PSMG2: variants seen among roughly 807,000 people sequenced by gnomAD.
PSMG2 encodes proteasome assembly chaperone 2, also known as CD40 ligand-activated specific transcript 3.
A neutral mutation model predicts 31.5 loss-of-function variants in PSMG2; 21 were observed. The ratio of observed to expected loss-of-function variants is 0.67; its 90% CI spans 0.47 to 0.96. The LOEUF is 0.96. Ranked by LOEUF, PSMG2 falls within the 40% of genes least tolerant of loss-of-function variation. The pLI is 0.00. For missense variants in PSMG2, 318 were observed against 321.2 expected (o/e 0.99, Z 0.08); for synonymous variants, 120 against 110.4 (o/e 1.09, Z -0.54).
chr18:12,661,356 C>A (rs2144935060), intron 1 of PSMG2: 1 of 984,796 alleles, frequency 1.0e-6, no homozygotes, highest in East Asian at 1.1e-4. Context: ...TCCATCATCA[C>A]AACACTCTGA....
At chr18:12,663,283 A>G (rs1403612118) in intron 1 of PSMG2, among the ~76,000 whole-genome samples, 1 of 152,132 alleles carries the variant, frequency 6.6e-6, no homozygotes, top group Non-Finnish European at 1.5e-5. Flanking sequence ...AGGCCCAAAA[A>G]TATATATTCT....
At chr18:12,720,342 C>CCTA (rs1037809276) in intron 4 of PSMG2, among the ~76,000 whole-genome samples, 168 bp from the exon 5 acceptor site, 3 of 151,408 alleles carry the variant, frequency 2.0e-5, no homozygotes, top group African/African-American at 7.3e-5. Flanking sequence ...TATATTGTCT[C>CCTA]CTAAGTAAGT....
intron 6 of PSMG2, among the ~76,000 whole-genome samples, 193 bp from the exon 7 acceptor site, chr18:12,725,246 T>C (rs1337030371): frequency 6.6e-6 from 1 of 152,200 alleles, no homozygotes; most frequent in East Asian, 1.9e-4. Context: ...GGCATATCTT[T>C]ATAATTTGGA....
At chr18:12,686,674 G>A (rs12455268) in intron 1 of PSMG2, 101,932 of 373,276 alleles carry the variant, frequency 0.27, 15,023 homozygotes, top group Non-Finnish European at 0.32. Context: ...CAGCTATTAT[G>A]CAACAGAGCC....
intron 1 of PSMG2, among the ~76,000 whole-genome samples, chr18:12,673,963 ATAGACTATT>A (rs2039026648): frequency 6.6e-6 from 1 of 152,220 alleles, no homozygotes; most frequent in Non-Finnish European, 1.5e-5. Flanking sequence ...TATTCAAATT[ATAGACTATT>A]TCCTTATAGT....
At chr18:12,705,739 T>C (rs1365518995) in intron 1 of PSMG2, among the ~76,000 whole-genome samples, 1 of 152,170 alleles carries the variant, frequency 6.6e-6, no homozygotes, top group African/African-American at 2.4e-5. Context: ...CCTGGAATGT[T>C]CTTTCCCAGA....
At chr18:12,693,538 A>T (rs2145081096) in intron 1 of PSMG2, among the ~76,000 whole-genome samples, 1 of 152,312 alleles carries the variant, frequency 6.6e-6, no homozygotes, top group Middle Eastern at 3.4e-3. Context: ...CATGTATACC[A>T]CTTTGGGAGG....
At chr18:12,669,392 A>G (rs942357439) in intron 1 of PSMG2, among the ~76,000 whole-genome samples, 2 of 151,882 alleles carry the variant, frequency 1.3e-5, no homozygotes, top group African/African-American at 4.8e-5. Flanking sequence ...GATTACAGGC[A>G]TGAGCCACCG....
intron 1 of PSMG2, chr18:12,695,204 A>G (rs759644871): frequency 4.0e-6 from 3 of 753,208 alleles, no homozygotes; most frequent in Non-Finnish European, 6.3e-6. Flanking sequence ...AGGTAAATAT[A>G]CTACTATGAA....
At chr18:12,666,759 A>C (rs967268433) in intron 1 of PSMG2, among the ~76,000 whole-genome samples, 8 of 152,112 alleles carry the variant, frequency 5.3e-5, no homozygotes, top group East Asian at 1.9e-4. Flanking sequence ...AAAAAAAAAA[A>C]AACTTTTGAA....
At chr18:12,682,402 T>C (rs1490854665) in intron 1 of PSMG2, among the ~76,000 whole-genome samples, 4 of 152,134 alleles carry the variant, frequency 2.6e-5, no homozygotes, top group South Asian at 2.1e-4. Flanking sequence ...TTGCCCTGGC[T>C]GGTCTCGAAT....
chr18:12,707,047 C>T (rs1238172777), intron 2 of PSMG2, among the ~76,000 whole-genome samples: 2 of 152,186 alleles, frequency 1.3e-5, no homozygotes, highest in Non-Finnish European at 2.9e-5. Context: ...GCTCCGCCTC[C>T]CGGGTTCACG....
Position 12,720,495 on chromosome 18 carries a change from T to C in PSMG2, c.408-15T>C. On this transcript the variant is annotated splice_polypyrimidine_tract_variant and intron_variant, in intron 4 of 6. Transcript: ENST00000317615. ...TTTAGAGTTTTTAAAAAGTTAACTA[T>C]ATGATTATTTCTAGTACTCCCTTCC... 6.4e-7 allele frequency: 1 copy of C among 1,553,992 alleles called. No individual in the cohort carries two copies. The highest frequency in any genetic ancestry group is 1.2e-5 in the South Asian group (1 of 82,142).
chr18:12,722,126 T>C (rs1371350266), intron 5 of PSMG2, among the ~76,000 whole-genome samples: 1 of 152,164 alleles, frequency 6.6e-6, no homozygotes, highest in Non-Finnish European at 1.5e-5. Context: ...CTTCTATACT[T>C]TGTTGCACTT....
Position 12,666,589 on chromosome 18 carries a change from G to A in PSMG2, c.-37+7816G>A, listed in dbSNP as rs577935954. Among the ~76,000 whole-genome samples, 12 of 151,802 alleles carry A rather than the reference G, an allele frequency of 7.9e-5. No individual in the cohort carries two copies. The South Asian group carries it at 8.3e-4, about 11-fold the overall frequency. ...CAAATAGATGGGACTACAGGTGCAC[G>A]CACCATGCCTGGTTGTTGTTGTTTT... On this transcript the variant is annotated intron_variant, in intron 1 of 6. Transcript: ENST00000585331.
At chr18:12,696,964 C>G (rs867938243) in intron 1 of PSMG2, among the ~76,000 whole-genome samples, 1 of 151,952 alleles carries the variant, frequency 6.6e-6, no homozygotes, top group African/African-American at 2.4e-5. Flanking sequence ...AAATTAAAAC[C>G]CTCAAAATTC....
intron 1 of PSMG2, among the ~76,000 whole-genome samples, chr18:12,670,063 T>C (rs1221799216): frequency 6.7e-6 from 1 of 148,694 alleles, no homozygotes; most frequent in African/African-American, 2.5e-5. Context: ...GGTGCGATGG[T>C]CCATGCCTGT....
upstream of PSMG2, chr18:12,702,565 TC>T: frequency 6.5e-7 from 1 of 1,546,726 alleles, no homozygotes. Context: ...AGCCGGCGTC[TC>T]CCCGCCGCTT....
intron 2 of PSMG2, among the ~76,000 whole-genome samples, chr18:12,710,585 G>GT (rs1199631302): frequency 1.3e-5 from 2 of 151,922 alleles, no homozygotes; most frequent in African/African-American, 4.8e-5. Context: ...TAGGTGTATT[G>GT]TTTTGTACAA....
Sources: gnomAD v4.1 joint callset for allele counts (sites outside exome capture counted in the v4.1 genomes callset) on GRCh38, gnomAD v4.1.1 for gene constraint, MANE v1.5 for transcripts, NCBI Gene and HGNC (gene_info 2026-07-23, HGNC 2026-07-21) for gene names.